Variants in HAPLN1 observed in about 807,000 individuals in gnomAD.
HAPLN1 encodes the protein Cartilage link protein.
Under a neutral mutation model 36.5 loss-of-function variants are expected in HAPLN1, and 13 were observed. The ratio of observed to expected loss-of-function variants is 0.36; its 90% confidence interval spans 0.23 to 0.57. The LOEUF is 0.57. Ranked by LOEUF, HAPLN1 falls within the 20% of genes least tolerant of loss-of-function variation. HAPLN1 has a pLI of 0.83. For synonymous variants in HAPLN1, 202 were observed against 169.8 expected, an observed-to-expected ratio of 1.19 and a Z score of -1.48; for missense variants, 407 against 439.7, an observed-to-expected ratio of 0.93 and a Z score of 0.66.
intron 1 of HAPLN1, among the ~76,000 whole-genome samples, chr5:83,686,687 C>A (rs1426014776): frequency 1.3e-5 from 2 of 152,082 alleles, no homozygotes; most frequent in African/African-American, 4.8e-5. Flanking sequence ...CACTGTATAG[C>A]CCCCAGCACC....
chr5:83,696,200 A>G (rs1027511676), intron 1 of HAPLN1, among the ~76,000 whole-genome samples: 1 of 152,170 alleles, frequency 6.6e-6, no homozygotes. Context: ...AAAAATAGCC[A>G]ACAAATATGC....
At chr5:83,690,730 A>G (rs1307451215) in intron 1 of HAPLN1, among the ~76,000 whole-genome samples, 1 of 152,052 alleles carries the variant, frequency 6.6e-6, no homozygotes, top group Non-Finnish European at 1.5e-5. Context: ...TATCTGACAT[A>G]ATTTCAATAT....
At chr5:83,658,514 C>T (rs1298833839) in intron 2 of HAPLN1, among the ~76,000 whole-genome samples, 1 of 152,138 alleles carries the variant, frequency 6.6e-6, no homozygotes, top group Non-Finnish European at 1.5e-5. Context: ...TTAAAGACAC[C>T]ATATTTAAGT....
chr5:83,685,937 A>C (rs1375597314), intron 1 of HAPLN1: 1 of 152,140 alleles, frequency 6.6e-6, no homozygotes, highest in Non-Finnish European at 1.5e-5. Context: ...TTTGGCCAAG[A>C]GCATATGACT....
Position 83,672,641 on chromosome 5 carries a change from T to C in HAPLN1, c.100+783A>G, listed in dbSNP as rs571665309. On this transcript the variant is annotated intron_variant, in intron 2 of 4. Transcript: ENST00000274341. ...CTTGAAGATGTAACTTAGAGTTTTA[T>C]GTCTCTTAGCAAACTTATCATGCCT... 4.4e-4 allele frequency among the ~76,000 whole-genome samples: 67 copies of C among 152,344 alleles called. No individual in the cohort carries two copies. In the South Asian group the frequency reaches 0.013, roughly 30 times the overall value.
chr5:83,715,457 G>T (rs1751896367), intron 1 of HAPLN1, among the ~76,000 whole-genome samples: 1 of 152,124 alleles, frequency 6.6e-6, no homozygotes, highest in African/African-American at 2.4e-5. Context: ...CACCTACTTG[G>T]CAAATTTTAC....
At chr5:83,645,705 T>C (rs552868603) in intron 3 of HAPLN1, among the ~76,000 whole-genome samples, 2 of 152,248 alleles carry the variant, frequency 1.3e-5, no homozygotes, top group East Asian at 3.9e-4. Flanking sequence ...ATCATGGTAC[T>C]CTTGCATGTT....
At chr5:83,676,428 A>G (rs1364720895) in intron 1 of HAPLN1, among the ~76,000 whole-genome samples, 1 of 152,148 alleles carries the variant, frequency 6.6e-6, no homozygotes, top group Non-Finnish European at 1.5e-5. Flanking sequence ...CACAACAACC[A>G]TCTCACCAGT....
chr5:83,669,323 A>T (rs1299961149), intron 2 of HAPLN1, among the ~76,000 whole-genome samples: 2 of 151,832 alleles, frequency 1.3e-5, no homozygotes, highest in East Asian at 3.9e-4. Context: ...ACATTGCAAA[A>T]CCCCGCTGCT....
Position 83,645,435 on chromosome 5 carries a change from A to G in HAPLN1, c.473-770T>C, listed in dbSNP as rs547312064. 3.8e-5 allele frequency among the ~76,000 whole-genome samples: 5 copies of G among 132,540 alleles called. 1 individual carries two copies. Among genetic ancestry groups the G allele is most frequent in the African/African-American group, 1.4e-4 (5 of 35,064 alleles). 87.0% of individuals were successfully genotyped at this position (132,540 alleles called of 152,430 possible). A position where few individuals can be genotyped will look rare whatever the true frequency, so the allele number is the denominator to read the frequency against. Reference sequence around the variant, plus strand: ...AAAAATCTGTAAACTCTCTTAAAACATTGTGAGATTTTTTGTGATTTTCTT... The same window carrying G: ...AAAAATCTGTAAACTCTCTTAAAACGTTGTGAGATTTTTTGTGATTTTCTT... On this transcript the variant is annotated intron_variant, in intron 3 of 4. Transcript: ENST00000274341.
chr5:83,691,354 T>C (rs1751267515), intron 1 of HAPLN1, among the ~76,000 whole-genome samples: 1 of 151,984 alleles, frequency 6.6e-6, no homozygotes, highest in Non-Finnish European at 1.5e-5. Context: ...GACCAGTGCA[T>C]ATGTGTGAGA....
At chr5:83,694,631 G>A (rs1580156251) in intron 1 of HAPLN1, among the ~76,000 whole-genome samples, 1 of 151,956 alleles carries the variant, frequency 6.6e-6, no homozygotes, top group Non-Finnish European at 1.5e-5. Flanking sequence ...AATAAATTCA[G>A]TGAGTTAAAT....
rs557132099 is a variant in HAPLN1 at position 83,702,041 on chromosome 5, A to G, written c.-27+18748T>C. Reference sequence around the variant, plus strand: ...AGTGACTAATTCCAGCTAGTGGCACAATGCAAGGTTACCGGGAGGAAGTGT... The same window carrying G: ...AGTGACTAATTCCAGCTAGTGGCACGATGCAAGGTTACCGGGAGGAAGTGT... On this transcript the variant is annotated intron_variant, in intron 1 of 4. Transcript: ENST00000274341. Among the ~76,000 whole-genome samples the G allele has an allele frequency of 2.0e-5, 3 of 152,284 alleles. No individual in the cohort carries two copies. The East Asian group carries it at 5.8e-4, about 29-fold the overall frequency.
At chr5:83,694,625 A>T (rs1751350961) in intron 1 of HAPLN1, among the ~76,000 whole-genome samples, 1 of 152,094 alleles carries the variant, frequency 6.6e-6, no homozygotes, top group Admixed American at 6.6e-5. Context: ...TGTTTTAATA[A>T]ATTCAGTGAG....
intron 1 of HAPLN1, among the ~76,000 whole-genome samples, chr5:83,719,242 C>A (rs1325633656): frequency 6.6e-6 from 1 of 152,168 alleles, no homozygotes; most frequent in African/African-American, 2.4e-5. Flanking sequence ...TCCCCACCTT[C>A]TTGTTTCTCA....
intron 1 of HAPLN1, among the ~76,000 whole-genome samples, chr5:83,709,320 A>C (rs909856106): frequency 3.3e-5 from 5 of 152,192 alleles, no homozygotes; most frequent in Middle Eastern, 3.2e-3. Flanking sequence ...CTCTCCTAAA[A>C]ATAATCTAAT....
At chr5:83,651,589 A>G in intron 3 of HAPLN1, among the ~76,000 whole-genome samples, 1 of 151,600 alleles carries the variant, frequency 6.6e-6, no homozygotes, top group South Asian at 2.1e-4. Flanking sequence ...TCAAATAGTG[A>G]CACAAATCTG....
intron 3 of HAPLN1, among the ~76,000 whole-genome samples, chr5:83,648,882 T>G (rs1580120745): frequency 6.6e-6 from 1 of 152,232 alleles, no homozygotes; most frequent in African/African-American, 2.4e-5. Context: ...CAAACTCTTA[T>G]GCATATAATC....
At chr5:83,662,481 T>G (rs1750432127) in intron 2 of HAPLN1, among the ~76,000 whole-genome samples, 1 of 152,204 alleles carries the variant, frequency 6.6e-6, no homozygotes, top group Admixed American at 6.5e-5. Context: ...ATTTAATGCT[T>G]ATGTTTTAGA....
Sources: gnomAD v4.1 joint callset for allele counts (sites outside exome capture counted in the v4.1 genomes callset) on GRCh38, gnomAD v4.1.1 for gene constraint, MANE v1.5 for transcripts, NCBI Gene and HGNC (gene_info 2026-07-23, HGNC 2026-07-21) for gene names.